The following PWWP2A variants were observed in gnomAD, a reference collection of about 807,000 sequenced individuals.
The protein encoded by PWWP2A is PWWP domain-containing protein 2A.
A neutral mutation model predicts 48.5 loss-of-function variants in PWWP2A; 18 were observed. The observed-to-expected ratio is 0.37, with a 90% CI of 0.26 to 0.55. PWWP2A has a LOEUF of 0.55. Among genes scored for constraint, PWWP2A ranks in the 20% least tolerant of loss-of-function variants. The probability of loss-of-function intolerance (pLI) is 0.81; values close to 1 mark genes in which losing one functional copy is unlikely to be tolerated. For synonymous variants in PWWP2A, 396 were observed against 387.7 expected, an observed-to-expected ratio of 1.02 and a Z score of -0.25; for missense variants, 867 against 976.4, an observed-to-expected ratio of 0.89 and a Z score of 1.49.
downstream of PWWP2A, among the ~76,000 whole-genome samples, chr5:160,074,442 A>T (rs187065753): frequency 1.3e-4 from 20 of 150,944 alleles, no homozygotes; most frequent in African/African-American, 3.4e-4. Flanking sequence ...CTGTCTCAAA[A>T]AAATAAATAA....
the PWWP2A span, among the ~76,000 whole-genome samples, chr5:160,048,776 C>T: frequency 6.6e-6 from 1 of 152,058 alleles, no homozygotes; most frequent in Admixed American, 6.5e-5. Context: ...CATAATGAAA[C>T]CCCATCTCTA....
chr5:160,061,895 A>T (rs1753424725), exon 6 of PWWP2A: 1 of 152,288 alleles, frequency 6.6e-6, no homozygotes, highest in Non-Finnish European at 1.5e-5. Flanking sequence ...ACCCCTGTGG[A>T]GGAGGAAAGG....
intron 4 of PWWP2A, chr5:160,063,696 T>G (rs1753502756): frequency 6.6e-6 from 1 of 152,170 alleles, no homozygotes; most frequent in Non-Finnish European, 1.5e-5. Context: ...TTAAAGCAGT[T>G]TAGAAAGGGT....
chr5:160,095,488 C>T (rs897178807), intron 1 of PWWP2A, among the ~76,000 whole-genome samples: 5 of 152,008 alleles, frequency 3.3e-5, no homozygotes, highest in African/African-American at 1.2e-4. Flanking sequence ...TGACTATATG[C>T]ACTATTTGAT....
downstream of PWWP2A, among the ~76,000 whole-genome samples, chr5:160,071,071 C>T (rs985088631): frequency 2.0e-5 from 3 of 152,128 alleles, no homozygotes; most frequent in Non-Finnish European, 4.4e-5. Flanking sequence ...CACCTGTAGT[C>T]CCAGCTACTT....
At chr5:160,104,441 A>G (rs1425164454) in intron 1 of PWWP2A, among the ~76,000 whole-genome samples, 1 of 152,148 alleles carries the variant, frequency 6.6e-6, no homozygotes, top group African/African-American at 2.4e-5. Context: ...TAAAAAAAAA[A>G]AAGGACAGAG....
At chr5:160,074,039 T>C (rs1429074300), downstream of PWWP2A, among the ~76,000 whole-genome samples, 2 of 145,448 alleles carry the variant, frequency 1.4e-5, no homozygotes, top group Non-Finnish European at 3.0e-5. Flanking sequence ...CACTCCAGCC[T>C]GGGTGACAGA....
intron 1 of PWWP2A, among the ~76,000 whole-genome samples, chr5:160,114,750 G>A (rs1199228408): frequency 1.4e-5 from 2 of 141,570 alleles, no homozygotes; most frequent in African/African-American, 2.6e-5. Flanking sequence ...GCAACAGAGC[G>A]AGACTCTGTC....
chr5:160,044,967 A>G, the PWWP2A span, among the ~76,000 whole-genome samples: 1 of 152,150 alleles, frequency 6.6e-6, no homozygotes, highest in Non-Finnish European at 1.5e-5. Flanking sequence ...CTCTTTCTAT[A>G]TTATAATATA....
chr5:160,086,473 T>TA (rs1378840342), downstream of PWWP2A, among the ~76,000 whole-genome samples: 1 of 152,164 alleles, frequency 6.6e-6, no homozygotes, highest in East Asian at 1.9e-4. Context: ...GTCATGATTA[T>TA]ACCCCTACAG....
chr5:160,076,074 G>T (rs1247418956), exon 4 of PWWP2A: 2 of 151,960 alleles, frequency 1.3e-5, no homozygotes, highest in African/African-American at 4.8e-5. Flanking sequence ...CTAAAGCAAT[G>T]AAAGTGAAAT....
chr5:160,053,032 A>G, the PWWP2A span, among the ~76,000 whole-genome samples: 1 of 152,198 alleles, frequency 6.6e-6, no homozygotes, highest in Non-Finnish European at 1.5e-5. Context: ...TTACCCCACA[A>G]TAGATAACCT....
At chr5:160,070,698 T>C (rs533387267) in intron 2 of PWWP2A, among the ~76,000 whole-genome samples, 41 of 152,180 alleles carry the variant, frequency 2.7e-4, no homozygotes, top group Admixed American at 9.8e-4. Context: ...CTACATGTTA[T>C]AGATGTCCCT....
chr5:160,045,776 T>A, the PWWP2A span, among the ~76,000 whole-genome samples: 2 of 152,034 alleles, frequency 1.3e-5, no homozygotes, highest in African/African-American at 4.8e-5. Flanking sequence ...AGAGACTCGC[T>A]CTGTTGCCTA....
At chr5:160,055,605 G>A in the PWWP2A span, among the ~76,000 whole-genome samples, 5 of 152,226 alleles carry the variant, frequency 3.3e-5, no homozygotes, top group East Asian at 7.7e-4. Context: ...CAGACCTACT[G>A]AATCAGAGAT....
Position 160,111,259 on chromosome 5 carries a change from C to A in PWWP2A, c.584+7546G>T, listed in dbSNP as rs546307835. ...CTCAGCTCACTGCAACCTCTAACTCCCGGGTTCAAGCGATTCTCCTGTCTC... is the reference window on the plus strand; with the variant it reads ...CTCAGCTCACTGCAACCTCTAACTCACGGGTTCAAGCGATTCTCCTGTCTC... On this transcript the variant is annotated intron_variant, in intron 1 of 1. Transcript: ENST00000307063. Among the ~76,000 whole-genome samples, 83 of 152,208 alleles carry A rather than the reference C, an allele frequency of 5.5e-4. 1 individual carries two copies. The South Asian group carries it at 0.017, about 31-fold the overall frequency.
intron 1 of PWWP2A, among the ~76,000 whole-genome samples, chr5:160,111,879 G>A (rs1028577058): frequency 6.6e-6 from 1 of 152,030 alleles, no homozygotes; most frequent in South Asian, 2.1e-4. Flanking sequence ...CAGTGGCCAG[G>A]TGCTGTGGCT....
chr5:160,048,930 G>A, the PWWP2A span, among the ~76,000 whole-genome samples: 1 of 142,678 alleles, frequency 7.0e-6, no homozygotes, highest in South Asian at 2.4e-4. Context: ...CAGCCTGGGT[G>A]ACAGAGCGAG....
At chr5:160,098,500 A>T (rs781017854) in intron 1 of PWWP2A, among the ~76,000 whole-genome samples, 4 of 152,234 alleles carry the variant, frequency 2.6e-5, no homozygotes, top group Admixed American at 6.5e-5. Flanking sequence ...GGGCAGTGTT[A>T]CCAAACTAAG....
Sources: allele counts gnomAD v4.1 joint callset (sites outside exome capture counted in the v4.1 genomes callset), GRCh38; gene constraint gnomAD v4.1.1; transcripts MANE v1.5; gene names NCBI Gene and HGNC (gene_info 2026-07-23, HGNC 2026-07-21).